The following VPS16 variants were observed in gnomAD, a reference collection of about 807,000 sequenced individuals.
VPS16 encodes VPS16 core subunit of CORVET and HOPS complexes.
Under a neutral mutation model 116.0 loss-of-function variants are expected in VPS16, and 82 were observed. The observed-to-expected ratio is 0.71, with a 90% CI of 0.59 to 0.85. VPS16 has a LOEUF of 0.85. VPS16 is among the 40% of genes least tolerant of loss of function. The pLI, the probability that VPS16 is intolerant of heterozygous loss-of-function variation, is 0.00. For synonymous variants in VPS16, 406 were observed against 420.7 expected, an observed-to-expected ratio of 0.96 and a Z score of 0.43; for missense variants, 928 against 1,090.6, an observed-to-expected ratio of 0.85 and a Z score of 2.10.
Position 2,864,801 on chromosome 20 carries a change from G to T in VPS16, c.1926+147G>T. On this transcript the variant is annotated intron_variant, in intron 19 of 23. Transcript: ENST00000380445. This position sits in a 1 kb window ranked among gnomAD's most constrained non-coding sequence, Gnocchi z 5.2. ...GGAGACTCTGACGTGAGGCCAGGAT[G>T]GGGGTTAGTGTCAGAGGAGCTAGCC... is the stretch of plus-strand genomic sequence containing the variant. 8.7e-7 allele frequency: 1 copy of T among 1,151,564 alleles called. No individual in the cohort carries two copies. The highest frequency in any genetic ancestry group is 1.3e-6 in the Non-Finnish European group (1 of 795,418). The allele number at this position is 1,151,564 out of a possible 1,614,324, so 71.3% of individuals were successfully genotyped here.
chr20:2,854,903 C>A (rs2089157261), intron 1 of VPS16, among the ~76,000 whole-genome samples: 1 of 108,990 alleles, frequency 9.2e-6, no homozygotes, highest in South Asian at 2.7e-4. Context: ...ACATTAATCT[C>A]CTTGTACATC....
intron 1 of VPS16, among the ~76,000 whole-genome samples, chr20:2,845,177 G>T (rs575035614): frequency 6.5e-4 from 99 of 152,146 alleles, no homozygotes; most frequent in African/African-American, 2.4e-3. Context: ...GGGTGGTGAT[G>T]GTGGAGGTGG....
In VPS16 at chr20:2,863,833, G is replaced by GAAAA; in HGVS notation, c.1477-113_1477-112insAAAA. ...GAGAAAGAAGAAAGAGAGAAAGAAA[G>GAAAA]AAAGAAGAAGGAAGGGAGGGAGGAA... On this transcript the variant is annotated intron_variant, in intron 15 of 23. Coordinates refer to ENST00000380445, the MANE Select transcript of VPS16 (RefSeq NM_022575.4). The surrounding 1 kb of genome is among the most constrained non-coding windows in gnomAD (Gnocchi z 4.4). 1 of 1,404,958 alleles carries GAAAA rather than the reference G, an allele frequency of 7.1e-7. No homozygotes were observed. Among genetic ancestry groups the GAAAA allele is most frequent in the Non-Finnish European group, 9.6e-7 (1 of 1,036,872 alleles). 87.0% of individuals were successfully genotyped at this position (1,404,958 alleles called of 1,614,324 possible).
chr20:2,862,380 C>T, intron 11 of VPS16, 199 bp from the exon 12 acceptor site: 1 of 1,213,064 alleles, frequency 8.2e-7, no homozygotes, highest in Non-Finnish European at 1.1e-6. Context: ...CTCAAGGCCC[C>T]CCTAAAGGCA....
At chr20:2,847,479 C>G (rs1191288535) in intron 1 of VPS16, among the ~76,000 whole-genome samples, 1 of 125,832 alleles carries the variant, frequency 7.9e-6, no homozygotes, top group Non-Finnish European at 1.6e-5. Flanking sequence ...ACCGCCCCCT[C>G]TATTTTTTTT....
rs754470720 is a variant in VPS16 at position 2,866,320 on chromosome 20, G to A, written c.2375+5G>A. On this transcript the variant is annotated splice_donor_5th_base_variant and intron_variant, in intron 23 of 23. Coordinates refer to ENST00000380445, the MANE Select transcript of VPS16 (RefSeq NM_022575.4). ...CAAGGCTTTGCTTCTTGTTGGGTGC[G>A]TCAACTGAGGGCCTGTGGGTGCTGG... The A allele has an allele frequency of 2.0e-5, 33 of 1,613,994 alleles. No individual in the cohort carries two copies. The highest frequency in any genetic ancestry group is 5.5e-5 in the South Asian group (5 of 91,078).
intron 1 of VPS16, among the ~76,000 whole-genome samples, chr20:2,855,883 T>G (rs894712122): frequency 1.3e-5 from 2 of 152,266 alleles, no homozygotes; most frequent in African/African-American, 4.8e-5. Flanking sequence ...ATCTTATACA[T>G]AGTTCACTAA....
chr20:2,851,533 G>A lies in VPS16; in HGVS notation c.54-8186G>A, dbSNP rs371424740. 5.9e-5 allele frequency among the ~76,000 whole-genome samples: 9 copies of A among 151,974 alleles called. No individual in the cohort carries two copies. The East Asian group carries it at 1.2e-3, about 20-fold the overall frequency. On this transcript the variant is annotated intron_variant, in intron 1 of 23. Coordinates refer to ENST00000380445, the MANE Select transcript of VPS16 (RefSeq NM_022575.4). The stretch of plus-strand genomic sequence containing the variant: ...CAAAATTAGCTGGGCATGGTGGTGC[G>A]TGCCTGTAATCCCAGCTACTTGGGA...
intron 1 of VPS16, among the ~76,000 whole-genome samples, chr20:2,843,950 T>C (rs2089033894): frequency 6.6e-6 from 1 of 152,208 alleles, no homozygotes; most frequent in Non-Finnish European, 1.5e-5. Context: ...GCTAAGTACT[T>C]TATGTGTTTT....
chr20:2,844,139 C>T (rs771841753), intron 1 of VPS16, among the ~76,000 whole-genome samples: 84 of 152,146 alleles, frequency 5.5e-4, no homozygotes, highest in Middle Eastern at 3.4e-3. Context: ...GTTTTGGGGG[C>T]GGGCAGGTTA....
intron 10 of VPS16, 55 bp downstream of exon 10, chr20:2,861,954 C>A (rs1431790400): frequency 3.1e-6 from 5 of 1,605,554 alleles, no homozygotes; most frequent in Non-Finnish European, 3.4e-6. Flanking sequence ...CTCGGCACCC[C>A]AGCTGCCCTG....
Position 2,864,767 on chromosome 20 carries a change from C to T in VPS16, c.1926+113C>T. ...TTGGGTGCACACTCCATCTGGTCCT[C>T]ACTGTGAGGGAGACTCTGACGTGAG... On this transcript the variant is annotated intron_variant, in intron 19 of 23. Transcript: ENST00000380445. The surrounding 1 kb of genome is among the most constrained non-coding windows in gnomAD (Gnocchi z 5.2). 2 of 1,246,424 alleles carry T rather than the reference C, an allele frequency of 1.6e-6. No homozygotes were observed. The highest frequency in any genetic ancestry group is 2.3e-6 in the Non-Finnish European group (2 of 872,196). 77.2% of individuals were successfully genotyped at this position (1,246,424 alleles called of 1,614,324 possible).
At chr20:2,847,155 G>A (rs906881999) in intron 1 of VPS16, among the ~76,000 whole-genome samples, 1 of 152,204 alleles carries the variant, frequency 6.6e-6, no homozygotes, top group Non-Finnish European at 1.5e-5. Flanking sequence ...TGGTCCATAC[G>A]TTATTGCTCT....
chr20:2,860,306 A>G lies in VPS16; in HGVS notation c.308A>G (p.Asp103Gly), dbSNP rs1256273830. 6.2e-7 allele frequency: 1 copy of G among 1,613,914 alleles called. No individual in the cohort carries two copies. Among genetic ancestry groups the G allele is most frequent in the African/African-American group, 1.3e-5 (1 of 74,838 alleles). ...AEEELLCVQE[D>G]GAVLVYGLHG... ...GAGGAGCTGCTCTGTGTGCAGGAAG[A>G]TGGTGCTGTACTGGTTTATGGGCTT... The change falls in exon 4 of 24, where the codon GAT becomes GGT. Residue 103 changes from aspartate to glycine, a missense_variant. By Grantham distance (94) the Asp-to-Gly change is moderately conservative. Coordinates refer to ENST00000380445, the MANE Select transcript of VPS16 (RefSeq NM_022575.4). The surrounding 1 kb of genome is among the most constrained non-coding windows in gnomAD (Gnocchi z 6.1).
intron 1 of VPS16, among the ~76,000 whole-genome samples, chr20:2,855,838 C>G (rs1371772327): frequency 6.6e-6 from 1 of 152,214 alleles, no homozygotes; most frequent in Non-Finnish European, 1.5e-5. Flanking sequence ...TAGGGCCTTG[C>G]TCTGAATTAG....
chr20:2,850,815 C>CA lies in VPS16; in HGVS notation c.54-8896dup, dbSNP rs539625403. Among the ~76,000 whole-genome samples the CA allele has an allele frequency of 1.3e-3, 175 of 139,716 alleles. 1 individual carries two copies. The East Asian group carries it at 0.026, about 21-fold the overall frequency. 91.7% of individuals were successfully genotyped at this position (139,716 alleles called of 152,430 possible). A position where few individuals can be genotyped will look rare whatever the true frequency, so the allele number is the denominator to read the frequency against. On this transcript the variant is annotated intron_variant, in intron 1 of 23. Transcript: ENST00000380445. ...AAACCCCATCTCTACAAAAAAAAAA[C>CA]AAAAAAAACAGCTGGGCATGGTGGT...
In VPS16 at chr20:2,863,213, A is replaced by T. The variant is rs547884677; in HGVS notation, c.1368-77A>T. The T allele has an allele frequency of 7.1e-5, 114 of 1,608,900 alleles. No homozygotes were observed. The African/African-American group carries it at 1.2e-3, about 16-fold the overall frequency. The stretch of plus-strand genomic sequence containing the variant: ...ACCTATCTAGGATGTGGGAGGCCTG[A>T]TGTGCAGGCTGAGGCCACTCTGCTC... On this transcript the variant is annotated intron_variant, in intron 14 of 23. Coordinates refer to ENST00000380445, the MANE Select transcript of VPS16 (RefSeq NM_022575.4). This position sits in a 1 kb window ranked among gnomAD's most constrained non-coding sequence, Gnocchi z 4.4.
Position 2,865,171 on chromosome 20 carries a change from C to T in VPS16, c.2028C>T (p.Leu676=), listed in dbSNP as rs149911458. 7.4e-4 allele frequency: 1,195 copies of T among 1,614,176 alleles called. No individual in the cohort carries two copies. The highest frequency in any genetic ancestry group is 9.5e-4 in the Non-Finnish European group (1,124 of 1,180,020). The change falls in exon 21 of 24, where the codon CTC becomes CTT. Residue 676 remains leucine, a synonymous_variant. Coordinates refer to ENST00000380445, the MANE Select transcript of VPS16 (RefSeq NM_022575.4). The surrounding 1 kb of genome is among the most constrained non-coding windows in gnomAD (Gnocchi z 5.2). ...AAKATEDQMR[L]LRLQRRLEDE... is the part of the protein sequence containing the mutation. ...AGGCTACAGAGGATCAAATGCGGCT[C>T]CTACGGCTGCAGCGGCGCCTAGAAG...
chr20:2,859,373 T>C (rs893152791), intron 1 of VPS16, among the ~76,000 whole-genome samples: 2 of 152,246 alleles, frequency 1.3e-5, no homozygotes, highest in East Asian at 3.8e-4. Context: ...AAAGCTGGCC[T>C]GAGCCAGCCA....
Sources: gnomAD v4.1 joint callset for allele counts (sites outside exome capture counted in the v4.1 genomes callset) on GRCh38, gnomAD v4.1.1 for gene constraint, Gnocchi (gnomAD v3.1) non-coding constraint, MANE v1.5 for transcripts, NCBI Gene and HGNC (gene_info 2026-07-23, HGNC 2026-07-21) for gene names.